The following LY6S variants were observed in gnomAD, a reference collection of about 807,000 sequenced individuals.
LY6S encodes lymphocyte antigen 6S.
At chr8:143,054,551 C>A in the LY6S span, among the ~76,000 whole-genome samples, 4 of 152,176 alleles carry the variant, frequency 2.6e-5, no homozygotes, top group Admixed American at 6.5e-5. Context: ...GCACAAATTT[C>A]ACCACCACAC....
At chr8:143,062,258 C>G in the LY6S span, among the ~76,000 whole-genome samples, 13 of 152,254 alleles carry the variant, frequency 8.5e-5, no homozygotes, top group East Asian at 2.3e-3. Flanking sequence ...TATAGACTGA[C>G]AAGGTAAAGT....
At chr8:143,043,653 C>T in the LY6S span, among the ~76,000 whole-genome samples, 2 of 149,232 alleles carry the variant, frequency 1.3e-5, no homozygotes, top group Non-Finnish European at 3.0e-5. Flanking sequence ...GAAACAGCTG[C>T]GGGCTCCAGG....
the LY6S span, among the ~76,000 whole-genome samples, chr8:143,052,513 G>A: frequency 2.0e-5 from 3 of 152,188 alleles, no homozygotes; most frequent in East Asian, 3.9e-4. Flanking sequence ...CAGGTTGACC[G>A]CACCCACACG....
the LY6S span, among the ~76,000 whole-genome samples, chr8:143,055,061 A>C: frequency 2.0e-5 from 3 of 152,212 alleles, no homozygotes; most frequent in African/African-American, 7.2e-5. Context: ...AAACATTGTT[A>C]CCCAGGCAGA....
chr8:143,068,995 G>T, the LY6S span, among the ~76,000 whole-genome samples: 2 of 152,156 alleles, frequency 1.3e-5, no homozygotes, highest in African/African-American at 4.8e-5. Context: ...ACCCATGGTG[G>T]TTCTGAGTTC....
chr8:143,071,780 G>A, the LY6S span, among the ~76,000 whole-genome samples: 1 of 152,096 alleles, frequency 6.6e-6, no homozygotes, highest in Non-Finnish European at 1.5e-5. Flanking sequence ...GCACGTGCCC[G>A]GCTTCAGCGA....
chr8:143,058,588 C>T, the LY6S span, among the ~76,000 whole-genome samples: 1 of 152,210 alleles, frequency 6.6e-6, no homozygotes, highest in Non-Finnish European at 1.5e-5. Context: ...ACCACTGAAG[C>T]ACAGCATCAC....
At chr8:143,070,955 A>C in the LY6S span, among the ~76,000 whole-genome samples, 1 of 152,208 alleles carries the variant, frequency 6.6e-6, no homozygotes, top group East Asian at 1.9e-4. Flanking sequence ...ACCCAGAAAG[A>C]GATCGTATTG....
chr8:143,044,652 C>T, the LY6S span: 2 of 1,363,250 alleles, frequency 1.5e-6, no homozygotes, highest in South Asian at 2.3e-5. Context: ...TCCCCAGAAC[C>T]TGCCCTCTGC....
the LY6S span, chr8:143,066,134 GT>G: frequency 3.8e-6 from 1 of 262,648 alleles, no homozygotes; most frequent in South Asian, 2.9e-5. Context: ...CCTCCATGAT[GT>G]TTCCAATGAT....
At chr8:143,051,979 A>G in the LY6S span, among the ~76,000 whole-genome samples, 12 of 148,334 alleles carry the variant, frequency 8.1e-5, no homozygotes, top group South Asian at 2.1e-4. Flanking sequence ...CTCAAAAAAA[A>G]AAAAGAAAAG....
At chr8:143,070,489 A>ATTTTTTTTTTTTTTTTTTT in the LY6S span, among the ~76,000 whole-genome samples, 3 of 81,704 alleles carry the variant, frequency 3.7e-5, no homozygotes, top group African/African-American at 7.7e-5. Context: ...ATATATATAT[A>ATTTTTTTTTTTTTTTTTTT]TTTTTTTTTT....
At chr8:143,044,742 C>A in the LY6S span, 36 of 1,367,500 alleles carry the variant, frequency 2.6e-5, no homozygotes, top group South Asian at 3.9e-4. Flanking sequence ...GGCACGAGAC[C>A]ACGCTGCAGG....
At chr8:143,044,953 C>T in the LY6S span, 1 of 740,308 alleles carries the variant, frequency 1.4e-6, no homozygotes, top group Non-Finnish European at 1.9e-6. Context: ...CACACACCTG[C>T]CTGCAACTGG....
the LY6S span, among the ~76,000 whole-genome samples, chr8:143,055,842 T>C: frequency 1.3e-4 from 20 of 152,318 alleles, no homozygotes; most frequent in Admixed American, 9.2e-4. Flanking sequence ...AATTTTTAAA[T>C]GGCTGCTTAG....
At chr8:143,073,428 G>A in the LY6S span, among the ~76,000 whole-genome samples, 32 of 123,136 alleles carry the variant, frequency 2.6e-4, no homozygotes, top group Non-Finnish European at 4.1e-4. Context: ...GACAGCCGTC[G>A]TCCTCGGGGT....
At chr8:143,057,074 A>G in the LY6S span, 3 of 286,042 alleles carry the variant, frequency 1.0e-5, no homozygotes, top group Admixed American at 1.1e-4. Context: ...GGAGTAACTG[A>G]AGTTTTCTGG....
chr8:143,044,790 C>T, the LY6S span: 3 of 1,367,224 alleles, frequency 2.2e-6, no homozygotes, highest in Non-Finnish European at 2.9e-6. Flanking sequence ...TGTAGCAGCG[C>T]AGACCCTGAG....
chr8:143,063,432 G>C, the LY6S span, among the ~76,000 whole-genome samples: 1 of 152,202 alleles, frequency 6.6e-6, no homozygotes, highest in Non-Finnish European at 1.5e-5. Context: ...CTGAGTACTT[G>C]GGACAACTGC....
Sources: allele counts gnomAD v4.1 joint callset (sites outside exome capture counted in the v4.1 genomes callset), GRCh38; gene constraint gnomAD v4.1.1; transcripts MANE v1.5; gene names NCBI Gene and HGNC (gene_info 2026-07-23, HGNC 2026-07-21).